Variants in CADPS2 observed in about 807,000 individuals in gnomAD.
CADPS2 encodes calcium dependent secretion activator 2.
CADPS2 carries 93 observed loss-of-function variants against 172.5 expected under a neutral mutation model. The ratio of observed to expected loss-of-function variants is 0.54; its 90% CI spans 0.46 to 0.64. The LOEUF is 0.64. CADPS2 is among the 30% of genes least tolerant of loss of function. The probability of loss-of-function intolerance (pLI) is 0.00; values close to 1 mark genes in which losing one functional copy is unlikely to be tolerated. For synonymous variants in CADPS2, 546 were observed against 555.2 expected, an observed-to-expected ratio of 0.98 and a Z score of 0.23; for missense variants, 1,420 against 1,565.9, an observed-to-expected ratio of 0.91 and a Z score of 1.57.
At chr7:122,527,617 A>AGAGTGTGTGT in intron 8 of CADPS2, among the ~76,000 whole-genome samples, 80 of 83,850 alleles carry the variant, frequency 9.5e-4, no homozygotes, top group Middle Eastern at 7.5e-3. Flanking sequence ...AGAGAGAGAG[A>AGAGTGTGTGT]GTGTGTGTGT....
intron 20 of CADPS2, among the ~76,000 whole-genome samples, chr7:122,397,694 T>A (rs2045343269): frequency 6.6e-6 from 1 of 152,120 alleles, no homozygotes. Context: ...TCAGAGTAAG[T>A]GCTTCTATCT....
intron 1 of CADPS2, among the ~76,000 whole-genome samples, chr7:122,831,341 G>A (rs1806491694): frequency 6.6e-6 from 1 of 152,106 alleles, no homozygotes; most frequent in Non-Finnish European, 1.5e-5. Context: ...TCGCTCAACT[G>A]GAAATGTAAC....
intron 2 of CADPS2, among the ~76,000 whole-genome samples, chr7:122,684,505 C>A (rs2083421372): frequency 1.3e-5 from 2 of 151,770 alleles, no homozygotes; most frequent in Non-Finnish European, 2.9e-5. Flanking sequence ...TCTATTTGTT[C>A]TTTCACGTAT....
At chr7:122,657,988 C>T (rs894079049) in intron 3 of CADPS2, among the ~76,000 whole-genome samples, 4 of 152,116 alleles carry the variant, frequency 2.6e-5, no homozygotes, top group Admixed American at 2.6e-4. Flanking sequence ...GCAATCTACT[C>T]ATCTGATAAA....
intron 23 of CADPS2, among the ~76,000 whole-genome samples, chr7:122,387,529 A>G (rs1379324232): frequency 6.6e-6 from 1 of 152,086 alleles, no homozygotes; most frequent in Admixed American, 6.6e-5. Context: ...GAAAAATCAC[A>G]CACTTGTATG....
intron 1 of CADPS2, among the ~76,000 whole-genome samples, chr7:122,814,659 G>A (rs1266607731): frequency 6.6e-6 from 1 of 152,046 alleles, no homozygotes; most frequent in Non-Finnish European, 1.5e-5. Context: ...GAACTGTCAA[G>A]ACAGAGACAA....
chr7:122,864,082 C>G (rs1000278336), intron 1 of CADPS2, among the ~76,000 whole-genome samples: 1 of 150,290 alleles, frequency 6.7e-6, no homozygotes, highest in African/African-American at 2.5e-5. Flanking sequence ...GATTACAGAA[C>G]ATAAAATAAT....
chr7:122,543,530 C>CA (rs1563654392), intron 8 of CADPS2, among the ~76,000 whole-genome samples: 1 of 152,010 alleles, frequency 6.6e-6, no homozygotes. Flanking sequence ...ATCAAGCATG[C>CA]ATTCAGTGCT....
At chr7:122,826,271 T>C (rs1300136964) in intron 1 of CADPS2, among the ~76,000 whole-genome samples, 1 of 152,192 alleles carries the variant, frequency 6.6e-6, no homozygotes, top group East Asian at 1.9e-4. Flanking sequence ...CTACCTCCAT[T>C]TGGACTTAAG....
At chr7:122,366,944 G>C (rs1190647904) in intron 25 of CADPS2, 1 of 152,018 alleles carries the variant, frequency 6.6e-6, no homozygotes, top group Non-Finnish European at 1.5e-5. Context: ...AGCACACTTA[G>C]ACCAGATGTT....
At chr7:122,338,695 A>T (rs2036289507) in intron 28 of CADPS2, among the ~76,000 whole-genome samples, 1 of 152,202 alleles carries the variant, frequency 6.6e-6, no homozygotes, top group South Asian at 2.1e-4. Context: ...TACAGTTATT[A>T]AAAAGTGAAA....
At chr7:122,574,116 G>A (rs567877290) in intron 7 of CADPS2, among the ~76,000 whole-genome samples, 1 of 151,982 alleles carries the variant, frequency 6.6e-6, no homozygotes, top group South Asian at 2.1e-4. Flanking sequence ...TATTGATGTC[G>A]TTGAGAAGCA....
chr7:122,608,910 G>A (rs911755596), intron 6 of CADPS2, among the ~76,000 whole-genome samples: 1 of 152,036 alleles, frequency 6.6e-6, no homozygotes, highest in Non-Finnish European at 1.5e-5. Context: ...TTTCAAGGCT[G>A]GGTATGGTAG....
chr7:122,843,422 TG>T (rs1168741647), intron 1 of CADPS2, among the ~76,000 whole-genome samples: 5 of 152,300 alleles, frequency 3.3e-5, no homozygotes, highest in Non-Finnish European at 7.4e-5. Context: ...CTTTGACCTA[TG>T]GGGTGTCACT....
chr7:122,836,306 C>T (rs909796054), intron 1 of CADPS2, among the ~76,000 whole-genome samples: 1 of 151,990 alleles, frequency 6.6e-6, no homozygotes, highest in South Asian at 2.1e-4. Flanking sequence ...GAACAAACAG[C>T]ACCAGCCACT....
intron 2 of CADPS2, among the ~76,000 whole-genome samples, chr7:122,716,178 G>A (rs1182061756): frequency 6.6e-6 from 1 of 151,942 alleles, no homozygotes; most frequent in African/African-American, 2.4e-5. Context: ...CTGATCTGAA[G>A]TAATGGAAGT....
chr7:122,668,173 G>A (rs554986918), intron 2 of CADPS2, among the ~76,000 whole-genome samples: 2 of 152,242 alleles, frequency 1.3e-5, no homozygotes, highest in African/African-American at 4.8e-5. Context: ...GAGGATTTGG[G>A]AAATAGAATG....
At chr7:122,353,339 G>A (rs1047476766) in intron 27 of CADPS2, among the ~76,000 whole-genome samples, 3 of 152,000 alleles carry the variant, frequency 2.0e-5, no homozygotes, top group African/African-American at 7.3e-5. Context: ...AAAGATGAGA[G>A]AATATTTGAG....
At chr7:122,679,274 G>A (rs1211110375) in intron 2 of CADPS2, among the ~76,000 whole-genome samples, 1 of 115,240 alleles carries the variant, frequency 8.7e-6, no homozygotes, top group East Asian at 3.3e-4. Context: ...CTGGGGGGGG[G>A]GGGCTCTAAA....
Sources: allele counts gnomAD v4.1 joint callset (sites outside exome capture counted in the v4.1 genomes callset), GRCh38; gene constraint gnomAD v4.1.1; transcripts MANE v1.5; gene names NCBI Gene and HGNC (gene_info 2026-07-23, HGNC 2026-07-21).